Variants in STK3 observed in about 807,000 individuals in gnomAD.
STK3 encodes the protein serine/threonine kinase 3, also known as serine/threonine-protein kinase 3.
STK3 carries 41 observed loss-of-function variants against 58.0 expected under a neutral mutation model. That is an observed-to-expected ratio of 0.71 (90% CI 0.55 to 0.92). The LOEUF (loss-of-function observed/expected upper bound fraction) is 0.92, where lower values mean the gene tolerates loss of function less well. STK3 is among the 40% of genes least tolerant of loss of function. The probability of loss-of-function intolerance (pLI) is 0.00; values close to 1 mark genes in which losing one functional copy is unlikely to be tolerated. For synonymous variants in STK3, 170 were observed against 191.0 expected, an observed-to-expected ratio of 0.89 and a Z score of 0.91; for missense variants, 479 against 602.7, an observed-to-expected ratio of 0.79 and a Z score of 2.15.
intron 6 of STK3, among the ~76,000 whole-genome samples, chr8:98,642,360 C>T (rs1266384227): frequency 1.4e-5 from 2 of 140,146 alleles, no homozygotes; most frequent in East Asian, 4.7e-4. Flanking sequence ...ATTATCCTTA[C>T]CATCCTTATC....
intron 3 of STK3, among the ~76,000 whole-genome samples, chr8:98,858,824 G>A (rs182812652): frequency 0.021 from 3,222 of 151,346 alleles, 57 homozygotes; most frequent in Middle Eastern, 0.071. Context: ...CCCAGGAAGC[G>A]GAGGTTGCAG....
chr8:98,456,097 CA>C, intron 10 of STK3, 97 bp from the exon 11 acceptor site: 1 of 1,220,532 alleles, frequency 8.2e-7, no homozygotes, highest in Non-Finnish European at 1.1e-6. Context: ...TGAGTTTTAA[CA>C]TAAATATTTC....
At chr8:98,587,212 C>T (rs1814709323) in intron 7 of STK3, among the ~76,000 whole-genome samples, 1 of 152,002 alleles carries the variant, frequency 6.6e-6, no homozygotes, top group African/African-American at 2.4e-5. Flanking sequence ...TTGGATCTTT[C>T]CTGCTTTCTC....
chr8:98,462,602 C>CAT (rs57503902), intron 10 of STK3, among the ~76,000 whole-genome samples: 35,997 of 152,024 alleles, frequency 0.24, 5,269 homozygotes, highest in South Asian at 0.37. Flanking sequence ...GCATAAGCTA[C>CAT]ATATATCGCT....
At chr8:98,834,050 T>C (rs975071063) in intron 3 of STK3, among the ~76,000 whole-genome samples, 1 of 152,164 alleles carries the variant, frequency 6.6e-6, no homozygotes, top group African/African-American at 2.4e-5. Context: ...AATCACATTC[T>C]ACTCCCCTGC....
At chr8:98,895,535 G>A (rs768964479) in intron 1 of STK3, among the ~76,000 whole-genome samples, 20 of 152,134 alleles carry the variant, frequency 1.3e-4, no homozygotes, top group Non-Finnish European at 2.8e-4. Context: ...GAATGGGAAT[G>A]GGAAGTAAGG....
chr8:98,757,670 A>G (rs889467217), intron 3 of STK3, among the ~76,000 whole-genome samples: 3 of 151,564 alleles, frequency 2.0e-5, no homozygotes, highest in African/African-American at 7.3e-5. Flanking sequence ...ACTCAAGTCT[A>G]TTTCCATTAA....
intron 3 of STK3, among the ~76,000 whole-genome samples, chr8:98,757,447 T>C (rs938198870): frequency 6.7e-6 from 1 of 149,756 alleles, no homozygotes; most frequent in African/African-American, 2.5e-5. Flanking sequence ...TATAAAAAAT[T>C]AGCCGGGCCT....
chr8:98,904,521 G>A, intron 1 of STK3: 1 of 411,984 alleles, frequency 2.4e-6, no homozygotes, highest in Non-Finnish European at 4.7e-6. Context: ...TCCTGGCAAA[G>A]GGGACCGCAC....
intron 10 of STK3, among the ~76,000 whole-genome samples, chr8:98,477,702 C>CGGG (rs1286720911): frequency 0.11 from 243 of 2,248 alleles, 36 homozygotes; most frequent in Non-Finnish European, 0.12. Flanking sequence ...TCACACTTGG[C>CGGG]GGGGGGGGGG....
intron 4 of STK3, among the ~76,000 whole-genome samples, chr8:98,726,963 C>T (rs1046675265): frequency 2.0e-5 from 3 of 152,084 alleles, no homozygotes; most frequent in Admixed American, 6.6e-5. Context: ...GTCCTTTATT[C>T]CTGGTGTGTT....
chr8:98,922,651 G>A (rs1472080623), intron 1 of STK3, among the ~76,000 whole-genome samples: 1 of 152,172 alleles, frequency 6.6e-6, no homozygotes, highest in East Asian at 1.9e-4. Context: ...TTTATTTATT[G>A]CTCTTCTATT....
rs530996865 is a variant in STK3, at chr8:98,540,524, C to T, written c.1141+7445G>A. 3.4e-4 allele frequency among the ~76,000 whole-genome samples: 52 copies of T among 152,262 alleles called. 1 individual carries two copies. Among genetic ancestry groups the T allele is most frequent in the Non-Finnish European group, 5.3e-4 (36 of 68,012 alleles). The stretch of plus-strand genomic sequence containing the variant: ...GTTCCACTTCATGTTATTTGCAATT[C>T]TGATGGACCTTCACCTTATAGCTTC... On this transcript the variant is annotated intron_variant, in intron 9 of 10. Coordinates refer to ENST00000419617, the MANE Select transcript of STK3 (RefSeq NM_006281.4).
At chr8:98,877,441 C>T (rs1215800919) in intron 3 of STK3, among the ~76,000 whole-genome samples, 1 of 152,114 alleles carries the variant, frequency 6.6e-6, no homozygotes, top group African/African-American at 2.4e-5. Context: ...AGCAGTAATA[C>T]TATGTTAATA....
At chr8:98,856,393 G>T (rs1189498520) in intron 3 of STK3, among the ~76,000 whole-genome samples, 1 of 151,494 alleles carries the variant, frequency 6.6e-6, no homozygotes, top group Non-Finnish European at 1.5e-5. Flanking sequence ...ATGAGCAAAT[G>T]TCTGAATAGA....
chr8:98,561,074 A>G (rs1280285515), intron 8 of STK3, among the ~76,000 whole-genome samples: 1 of 152,080 alleles, frequency 6.6e-6, no homozygotes, highest in Non-Finnish European at 1.5e-5. Context: ...TGGAAGATTC[A>G]GTGTCCAATC....
downstream of STK3, among the ~76,000 whole-genome samples, chr8:98,399,818 C>A (rs1586548236): frequency 6.6e-6 from 1 of 152,130 alleles, no homozygotes; most frequent in East Asian, 1.9e-4. Flanking sequence ...TTACAGGAGG[C>A]CATGGAATGC....
At chr8:98,740,809 A>G (rs1418459699) in intron 4 of STK3, among the ~76,000 whole-genome samples, 1 of 152,232 alleles carries the variant, frequency 6.6e-6, no homozygotes, top group Non-Finnish European at 1.5e-5. Context: ...CAAATTGGAT[A>G]AAGAGTCAAG....
the STK3 span, among the ~76,000 whole-genome samples, chr8:98,351,083 A>G: frequency 3.3e-5 from 5 of 152,202 alleles, no homozygotes; most frequent in African/African-American, 1.2e-4. Flanking sequence ...TGAGCCCAAA[A>G]CTGTATATTC....
Sources: gnomAD v4.1 joint callset for allele counts (sites outside exome capture counted in the v4.1 genomes callset) on GRCh38, gnomAD v4.1.1 for gene constraint, MANE v1.5 for transcripts, NCBI Gene and HGNC (gene_info 2026-07-23, HGNC 2026-07-21) for gene names.